The following CCSER1 variants were observed in gnomAD, a reference collection of about 807,000 sequenced individuals.
CCSER1 encodes the protein coiled-coil serine rich protein 1.
In CCSER1, 41 loss-of-function variants were observed where a neutral mutation model predicts 82.0. That is an observed-to-expected ratio of 0.50 (90% confidence interval 0.39 to 0.65). The LOEUF (loss-of-function observed/expected upper bound fraction) is 0.65. CCSER1 is among the 30% of genes least tolerant of loss of function. The pLI is 0.00. For synonymous variants in CCSER1, 414 were observed against 383.9 expected, an observed-to-expected ratio of 1.08 and a Z score of -0.92; for missense variants, 1,119 against 1,064.2, an observed-to-expected ratio of 1.05 and a Z score of -0.72.
chr4:91,543,173 C>A (rs1413894965), intron 10 of CCSER1, among the ~76,000 whole-genome samples: 1 of 152,078 alleles, frequency 6.6e-6, no homozygotes, highest in Non-Finnish European at 1.5e-5. Flanking sequence ...CCTCCATCCC[C>A]TTATTTTGAA....
At chr4:90,672,729 G>T (rs1312834500) in intron 6 of CCSER1, among the ~76,000 whole-genome samples, 1 of 151,906 alleles carries the variant, frequency 6.6e-6, no homozygotes, top group African/African-American at 2.4e-5. Context: ...TTTAATTTAG[G>T]GTGAGAGAAA....
chr4:90,409,792 A>C (rs1314258439), intron 4 of CCSER1, among the ~76,000 whole-genome samples: 3 of 152,234 alleles, frequency 2.0e-5, no homozygotes, highest in Non-Finnish European at 4.4e-5. Context: ...ACTAACCTTA[A>C]ATGTAAATGG....
intron 8 of CCSER1, among the ~76,000 whole-genome samples, chr4:90,827,092 A>G (rs1760566126): frequency 6.6e-6 from 1 of 152,210 alleles, no homozygotes; most frequent in Non-Finnish European, 1.5e-5. Context: ...AGAGCTGGAA[A>G]GTCACAGATA....
At position 91,009,053 on chromosome 4, in the gene CCSER1, G is replaced by A. The variant is rs146961314; in HGVS notation, c.2173-76897G>A. On this transcript the variant is annotated intron_variant, in intron 9 of 10. Coordinates refer to ENST00000509176, the MANE Select transcript of CCSER1 (RefSeq NM_001145065.2). ...CGGGAGCGGCAATGGGTGCCTCCCC[G>A]GATCAGGAGCACAGTGGACACCCTG... Among the ~76,000 whole-genome samples, 1,192 of 152,284 alleles carry A rather than the reference G, an allele frequency of 7.8e-3. 48 individuals are homozygous for A. Among genetic ancestry groups the A allele is most frequent in the Admixed American group, 0.065 (993 of 15,294 alleles).
At chr4:91,538,441 A>T (rs900159045) in intron 10 of CCSER1, among the ~76,000 whole-genome samples, 5 of 151,562 alleles carry the variant, frequency 3.3e-5, no homozygotes, top group African/African-American at 9.7e-5. Context: ...TGACCAAAAA[A>T]ATAAAAAACA....
At chr4:91,456,173 G>A (rs1756160820) in intron 10 of CCSER1, among the ~76,000 whole-genome samples, 2 of 152,006 alleles carry the variant, frequency 1.3e-5, no homozygotes, top group South Asian at 2.1e-4. Context: ...GCAGATTGCT[G>A]ACCTCATCTT....
At chr4:90,438,974 A>T (rs973392654) in intron 4 of CCSER1, among the ~76,000 whole-genome samples, 2 of 152,158 alleles carry the variant, frequency 1.3e-5, no homozygotes, top group Admixed American at 1.3e-4. Flanking sequence ...TAAAACTGGC[A>T]TGCTATTATG....
intron 3 of CCSER1, among the ~76,000 whole-genome samples, chr4:90,321,601 A>G (rs1054849659): frequency 1.3e-5 from 2 of 152,128 alleles, no homozygotes; most frequent in Non-Finnish European, 2.9e-5. Flanking sequence ...GCTGGATCAT[A>G]TGGTAGCTGT....
At chr4:90,685,545 C>A (rs556979773) in intron 6 of CCSER1, among the ~76,000 whole-genome samples, 1 of 152,262 alleles carries the variant, frequency 6.6e-6, no homozygotes, top group East Asian at 1.9e-4. Context: ...AATGTCCATG[C>A]TCACTAAATA....
intron 8 of CCSER1, among the ~76,000 whole-genome samples, chr4:90,838,483 TA>T (rs199754160): frequency 0.18 from 26,349 of 149,584 alleles, 2,798 homozygotes; most frequent in South Asian, 0.27. Flanking sequence ...TATTTCATAA[TA>T]TTTTTTTTAA....
In CCSER1 at chr4:90,618,431, TTAA is replaced by T. The variant is rs1482908002; in HGVS notation, c.1725-9589_1725-9587del. ...AGCAAATATACATACAGTAATATTT[TTAA>T]TAATGTTTTTCATAAATCATATCTA... On this transcript the variant is annotated intron_variant, in intron 5 of 10. Transcript: ENST00000509176. Among the ~76,000 whole-genome samples the T allele has an allele frequency of 1.2e-4, 18 of 152,088 alleles. No individual in the cohort carries two copies. In the East Asian group the frequency reaches 2.7e-3, roughly 23 times the overall value.
intron 9 of CCSER1, among the ~76,000 whole-genome samples, chr4:91,055,754 C>T (rs925018913): frequency 1.3e-5 from 2 of 149,590 alleles, no homozygotes; most frequent in African/African-American, 4.9e-5. Context: ...CCCTCTCCCC[C>T]TCTCCCCTTC....
chr4:91,155,827 T>G (rs1054247073), intron 10 of CCSER1, among the ~76,000 whole-genome samples: 1 of 151,932 alleles, frequency 6.6e-6, no homozygotes, highest in Non-Finnish European at 1.5e-5. Context: ...CAGTTTAGAA[T>G]GGTTGACAGT....
intron 8 of CCSER1, among the ~76,000 whole-genome samples, chr4:90,851,583 T>A (rs2149933251): frequency 6.6e-6 from 1 of 151,902 alleles, no homozygotes; most frequent in Admixed American, 6.6e-5. Context: ...CTTTTTTTTT[T>A]TTTTTTTTCC....
At chr4:90,261,468 C>G (rs1283917054) in intron 1 of CCSER1, among the ~76,000 whole-genome samples, 1 of 152,162 alleles carries the variant, frequency 6.6e-6, no homozygotes, top group Non-Finnish European at 1.5e-5. Flanking sequence ...GAGAAGTCTT[C>G]TGTTAGTCTG....
At position 90,319,876 on chromosome 4, in the gene CCSER1, A is replaced by G. The variant is rs532202299; in HGVS notation, c.1509+6829A>G. Among the ~76,000 whole-genome samples, 49 of 152,332 alleles carry G rather than the reference A, an allele frequency of 3.2e-4. 1 individual carries two copies. Among genetic ancestry groups the G allele is most frequent in the African/African-American group, 1.1e-3 (46 of 41,574 alleles). On this transcript the variant is annotated intron_variant, in intron 3 of 10. Transcript: ENST00000509176. ...GCCATTAATATTTTTCAGGAAATGG[A>G]GCCATATGAATCATTCTCCTCAATT...
rs560482316 is a variant in CCSER1 at position 91,072,382 on chromosome 4, A to T, written c.2173-13568A>T. 2.6e-5 allele frequency among the ~76,000 whole-genome samples: 4 copies of T among 152,226 alleles called. 1 individual carries two copies. The highest frequency in any genetic ancestry group is 4.1e-4 in the South Asian group (2 of 4,832). Reference sequence around the variant, plus strand: ...GGGCTTCTGGAATTCAACGTCATTTACTTAACTTTTTTTCCCCACAGTTAT... The same window carrying T: ...GGGCTTCTGGAATTCAACGTCATTTTCTTAACTTTTTTTCCCCACAGTTAT... On this transcript the variant is annotated intron_variant, in intron 9 of 10. Coordinates refer to ENST00000509176, the MANE Select transcript of CCSER1 (RefSeq NM_001145065.2).
At chr4:90,988,334 CAAAAAAAAAAAAAAAA>C (rs60408059) in intron 9 of CCSER1, among the ~76,000 whole-genome samples, 3 of 75,366 alleles carry the variant, frequency 4.0e-5, no homozygotes, top group Admixed American at 1.5e-4. Context: ...TATCTTGTCT[CAAAAAAAAAAAAAAAA>C]AAAAAAAAAA....
intron 9 of CCSER1, among the ~76,000 whole-genome samples, chr4:90,953,243 A>G (rs1297091670): frequency 6.6e-6 from 1 of 151,964 alleles, no homozygotes; most frequent in Non-Finnish European, 1.5e-5. Flanking sequence ...TTAGAAAATT[A>G]TAACAGAACT....
Sources: gnomAD v4.1 joint callset for allele counts (sites outside exome capture counted in the v4.1 genomes callset) on GRCh38, gnomAD v4.1.1 for gene constraint, MANE v1.5 for transcripts, NCBI Gene and HGNC (gene_info 2026-07-23, HGNC 2026-07-21) for gene names.